SIPA1L3: variants seen among roughly 807,000 people sequenced by gnomAD.
SIPA1L3 encodes signal-induced proliferation-associated 1-like protein 3.
Under a neutral mutation model 150.1 loss-of-function variants are expected in SIPA1L3, and 59 were observed. The ratio of observed to expected loss-of-function variants is 0.39; its 90% CI spans 0.32 to 0.49. The LOEUF (loss-of-function observed/expected upper bound fraction) is 0.49, where lower values mean the gene tolerates loss of function less well. Among genes scored for constraint, SIPA1L3 ranks in the 20% least tolerant of loss-of-function variants. The pLI, the probability that SIPA1L3 is intolerant of heterozygous loss-of-function variation, is 0.86. For synonymous variants in SIPA1L3, 1,070 were observed against 1,077.6 expected (o/e 0.99, Z 0.14); for missense variants, 2,211 against 2,489.5 (o/e 0.89, Z 2.38).
At chr19:37,913,204 C>T (rs1355956497) in intron 1 of SIPA1L3, among the ~76,000 whole-genome samples, 2 of 152,064 alleles carry the variant, frequency 1.3e-5, no homozygotes, top group African/African-American at 4.8e-5. Flanking sequence ...AGACTTTCAG[C>T]ACATTAGGCT....
intron 2 of SIPA1L3, among the ~76,000 whole-genome samples, chr19:38,076,636 G>A (rs904240905): frequency 6.6e-6 from 1 of 152,178 alleles, no homozygotes; most frequent in Non-Finnish European, 1.5e-5. Context: ...CAGGGGACCC[G>A]TACAAAGTGC....
chr19:38,136,724 A>G (rs1971444964), intron 10 of SIPA1L3, among the ~76,000 whole-genome samples: 2 of 152,270 alleles, frequency 1.3e-5, no homozygotes, highest in Middle Eastern at 6.8e-3. Flanking sequence ...GGGGATTCTG[A>G]TGCGTGTAAT....
chr19:37,955,614 C>T (rs139434480), intron 1 of SIPA1L3, among the ~76,000 whole-genome samples: 1 of 152,186 alleles, frequency 6.6e-6, no homozygotes. Flanking sequence ...CAAATACATG[C>T]AGTCATACAG....
chr19:38,033,435 C>T (rs1488807875), intron 2 of SIPA1L3, among the ~76,000 whole-genome samples: 2 of 152,176 alleles, frequency 1.3e-5, no homozygotes, highest in East Asian at 3.9e-4. Context: ...ACTCTATAAT[C>T]CCAGCTCTTT....
chr19:38,017,521 T>C (rs1344927338), intron 1 of SIPA1L3, among the ~76,000 whole-genome samples: 1 of 109,748 alleles, frequency 9.1e-6, no homozygotes, highest in African/African-American at 4.0e-5. Context: ...AGCTATCTCC[T>C]TTTTTTTTTT....
intron 12 of SIPA1L3, among the ~76,000 whole-genome samples, chr19:38,145,360 C>T (rs933334313): frequency 3.3e-5 from 5 of 151,638 alleles, no homozygotes; most frequent in African/African-American, 7.3e-5. Context: ...GATGAAACCC[C>T]GTCTCTACTG....
At chr19:38,077,661 C>CTTTTT (rs58788182) in intron 2 of SIPA1L3, among the ~76,000 whole-genome samples, 732 of 64,312 alleles carry the variant, frequency 0.011, 33 homozygotes, top group Non-Finnish European at 0.014. Flanking sequence ...TTTTCTTTTT[C>CTTTTT]TTTTTTTTTT....
chr19:37,920,176 A>T (rs533210882), intron 1 of SIPA1L3, among the ~76,000 whole-genome samples: 3 of 151,106 alleles, frequency 2.0e-5, no homozygotes, highest in African/African-American at 7.3e-5. Flanking sequence ...CCCCCATCTC[A>T]GCCTTCTGAA....
At chr19:38,163,616 G>A (rs188443726) in intron 14 of SIPA1L3, among the ~76,000 whole-genome samples, 24 of 152,264 alleles carry the variant, frequency 1.6e-4, no homozygotes, top group Admixed American at 1.5e-3. Flanking sequence ...TGAAGGAAGG[G>A]GGAGGCCCAC....
chr19:38,131,599 C>G (rs528143646), intron 10 of SIPA1L3: 4 of 159,254 alleles, frequency 2.5e-5, no homozygotes, highest in Admixed American at 1.3e-4. Flanking sequence ...TGGTAGGTGA[C>G]TTATTTATTT....
chr19:38,078,837 C>T (rs751552382), intron 2 of SIPA1L3, among the ~76,000 whole-genome samples: 22 of 152,134 alleles, frequency 1.4e-4, no homozygotes, highest in Non-Finnish European at 2.5e-4. Context: ...CCATCACAGA[C>T]GGCGACCCAC....
chr19:38,164,792 C>T lies in SIPA1L3; in HGVS notation c.4094C>T (p.Pro1365Leu), dbSNP rs746002114. The stretch of plus-strand genomic sequence containing the variant: ...GCAGACAGGCGGCGGGAGGTCTCCC[C>T]TGCCCCCGCAGTTGCCGGCCAAAGC... The part of the protein sequence containing the change: ...HHADRRREVS[P>L]APAVAGQSKG... Residue 1365 changes from proline to leucine, a missense_variant, in exon 15 of 22, where the codon CCT becomes CTT. By Grantham distance (98) the Pro-to-Leu change is moderately conservative (BLOSUM62 -3). This residue lies in a region of SIPA1L3 where 806 missense variants were observed against 870.1 expected (regional missense o/e 0.93). Coordinates refer to ENST00000222345, the MANE Select transcript of SIPA1L3 (RefSeq NM_015073.3). The surrounding 1 kb of genome is among the most constrained non-coding windows in gnomAD (Gnocchi z 4.1). The T allele has an allele frequency of 6.2e-6, 10 of 1,611,844 alleles. No homozygotes were observed. The highest frequency in any genetic ancestry group is 8.5e-6 in the Non-Finnish European group (10 of 1,179,132).
At position 38,110,223 on chromosome 19, in the gene SIPA1L3, C is replaced by T. The variant is rs1318191478; in HGVS notation, c.2134-4C>T. On this transcript the variant is annotated splice_region_variant and splice_polypyrimidine_tract_variant and intron_variant, in intron 7 of 21. Transcript: ENST00000222345. Reference sequence around the variant, plus strand: ...TCCTGTCCCCCTCTGTTGCCCTTTCCCAGCTGCTACGGAAGAGGCACATAG... The same window carrying T: ...TCCTGTCCCCCTCTGTTGCCCTTTCTCAGCTGCTACGGAAGAGGCACATAG... 6.2e-7 allele frequency: 1 copy of T among 1,613,760 alleles called. No individual in the cohort carries two copies. Among genetic ancestry groups the T allele is most frequent in the Non-Finnish European group, 8.5e-7 (1 of 1,179,832 alleles).
intron 1 of SIPA1L3, among the ~76,000 whole-genome samples, chr19:38,008,344 C>T (rs546434200): frequency 2.0e-5 from 3 of 147,152 alleles, no homozygotes; most frequent in East Asian, 2.1e-4. Context: ...TCTCCTGTCT[C>T]AGCCTCCCTA....
chr19:38,176,169 T>C (rs1972430547), intron 15 of SIPA1L3, among the ~76,000 whole-genome samples: 1 of 145,150 alleles, frequency 6.9e-6, no homozygotes, highest in Admixed American at 6.9e-5. Context: ...ACCGTCACAC[T>C]TGGCTAATTT....
intron 17 of SIPA1L3, 85 bp from the exon 18 acceptor site, chr19:38,193,452 A>C (rs986686826): frequency 2.9e-6 from 4 of 1,362,060 alleles, no homozygotes; most frequent in Non-Finnish European, 3.8e-6. Context: ...CTCGCCACCA[A>C]TGTCCTAGAG....
intron 15 of SIPA1L3, among the ~76,000 whole-genome samples, chr19:38,170,476 G>A (rs1054162894): frequency 6.6e-6 from 1 of 152,198 alleles, no homozygotes; most frequent in Non-Finnish European, 1.5e-5. Flanking sequence ...CTCCTGGAAG[G>A]CAGGCACCTT....
chr19:38,084,350 C>T (rs925116711), intron 3 of SIPA1L3, among the ~76,000 whole-genome samples: 7 of 152,136 alleles, frequency 4.6e-5, no homozygotes, highest in African/African-American at 1.7e-4. Flanking sequence ...TGCTCAAGGA[C>T]ATTGCCAGGG....
intron 1 of SIPA1L3, among the ~76,000 whole-genome samples, chr19:37,916,267 T>G (rs1157978787): frequency 6.6e-6 from 1 of 151,852 alleles, no homozygotes; most frequent in Non-Finnish European, 1.5e-5. Context: ...CCTCAGGTGG[T>G]CTTCCCGCCT....
Sources: gnomAD v4.1 joint callset for allele counts (sites outside exome capture counted in the v4.1 genomes callset) on GRCh38, gnomAD v4.1.1 for gene constraint, gnomAD v4.1.1 regional missense constraint, Gnocchi (gnomAD v3.1) non-coding constraint, MANE v1.5 for transcripts, NCBI Gene and HGNC (gene_info 2026-07-23, HGNC 2026-07-21) for gene names.